KMT2E: variants seen among roughly 807,000 people sequenced by gnomAD.
The protein encoded by KMT2E is lysine methyltransferase 2E (inactive).
Under a neutral mutation model 184.6 loss-of-function variants are expected in KMT2E, and 30 were observed. The ratio of observed to expected loss-of-function variants is 0.16; its 90% CI spans 0.12 to 0.22. KMT2E has a LOEUF of 0.22. Ranked by LOEUF, KMT2E falls within the 10% of genes least tolerant of loss-of-function variation. The probability of loss-of-function intolerance (pLI) is 1.00; values close to 1 mark genes in which losing one functional copy is unlikely to be tolerated. For synonymous variants in KMT2E, 815 were observed against 776.5 expected, an observed-to-expected ratio of 1.05 and a Z score of -0.82; for missense variants, 2,023 against 2,237.4, an observed-to-expected ratio of 0.90 and a Z score of 1.93.
chr7:105,056,777 A>G lies in KMT2E; in HGVS notation c.72-5387A>G, dbSNP rs573586772. Among the ~76,000 whole-genome samples, 10 of 152,348 alleles carry G rather than the reference A, an allele frequency of 6.6e-5. No homozygotes were observed. The East Asian group carries it at 1.7e-3, about 26-fold the overall frequency. On this transcript the variant is annotated intron_variant, in intron 3 of 26. Transcript: ENST00000311117. ...TCTGAACAAGTAAGTAGTGTAATGT[A>G]TCTGTGTAAGGCATTATAGTTGAGA...
chr7:105,046,555 A>T (rs1384578531), intron 3 of KMT2E, among the ~76,000 whole-genome samples: 5 of 152,248 alleles, frequency 3.3e-5, no homozygotes, highest in Non-Finnish European at 5.9e-5. Context: ...TGATTTACTT[A>T]GAATAAATGT....
At chr7:105,078,505 TTTTG>T (rs781174899) in intron 11 of KMT2E, among the ~76,000 whole-genome samples, 39 of 152,096 alleles carry the variant, frequency 2.6e-4, no homozygotes, top group Middle Eastern at 3.4e-3. Flanking sequence ...AAATGTTGAC[TTTTG>T]TTTGTTTGTT....
Position 105,110,537 on chromosome 7 carries a change from A to G in KMT2E, c.3905A>G (p.His1302Arg). ...CATGTTCAGTCTTCACCTTCATCTC[A>G]TTCAAATCACATACCCCAGTTGCAA... ...PSHVQSSPSS[H>R]SNHIPQLQAK... Residue 1302 changes from histidine to arginine, a missense_variant, in exon 25 of 27, where the codon CAT (histidine) becomes CGT (arginine). This residue lies in a region of KMT2E where 1,108 missense variants were observed against 1,050.9 expected (regional missense o/e 1.05). Coordinates refer to ENST00000311117, the MANE Select transcript of KMT2E (RefSeq NM_182931.3). 1 of 1,614,064 alleles carries G rather than the reference A, an allele frequency of 6.2e-7. No homozygotes were observed. Among genetic ancestry groups the G allele is most frequent in the Non-Finnish European group, 8.5e-7 (1 of 1,179,976 alleles).
chr7:105,054,514 A>ATCTATCTGTCTG (rs1199471277), intron 3 of KMT2E, among the ~76,000 whole-genome samples: 1 of 137,460 alleles, frequency 7.3e-6, no homozygotes, highest in African/African-American at 2.6e-5. Context: ...CTATCTATCT[A>ATCTATCTGTCTG]TCTGTCTGTC....
chr7:105,076,308 A>G (rs971024080), intron 9 of KMT2E, among the ~76,000 whole-genome samples: 10 of 152,172 alleles, frequency 6.6e-5, no homozygotes, highest in Non-Finnish European at 1.5e-4. Flanking sequence ...GCAATTTCTA[A>G]TTTTATAATT....
intron 3 of KMT2E, among the ~76,000 whole-genome samples, chr7:105,051,216 G>A (rs982687923): frequency 4.7e-5 from 6 of 126,376 alleles, no homozygotes; most frequent in African/African-American, 9.1e-5. Flanking sequence ...ATGGAGTTTC[G>A]CTCTTGTTGC....
intron 1 of KMT2E, among the ~76,000 whole-genome samples, chr7:105,032,073 C>CAAAAAAAAAAAAAAAAAAAA (rs869308527): frequency 1.3e-5 from 1 of 77,278 alleles, no homozygotes; most frequent in African/African-American, 5.0e-5. Flanking sequence ...ACTCTTATCA[C>CAAAAAAAAAAAAAAAAAAAA]AAAAAAAAAA....
chr7:105,020,469 C>T (rs1794904529), intron 1 of KMT2E, among the ~76,000 whole-genome samples: 1 of 151,736 alleles, frequency 6.6e-6, no homozygotes, highest in Admixed American at 6.6e-5. Flanking sequence ...CCTGTAATCC[C>T]AGCTACTTGG....
intron 2 of KMT2E, among the ~76,000 whole-genome samples, chr7:105,038,924 G>C (rs948689584): frequency 6.6e-6 from 1 of 152,044 alleles, no homozygotes; most frequent in African/African-American, 2.4e-5. Context: ...ACTGAGATCT[G>C]CTTTTCCTGT....
chr7:105,059,826 CAT>C (rs1340214636), intron 3 of KMT2E, among the ~76,000 whole-genome samples: 4 of 152,006 alleles, frequency 2.6e-5, no homozygotes, highest in Admixed American at 6.5e-5. Flanking sequence ...TGGGTGGAGA[CAT>C]AGTCTTACAT....
intron 1 of KMT2E, among the ~76,000 whole-genome samples, chr7:105,015,015 A>G (rs929250618): frequency 4.6e-5 from 7 of 152,146 alleles, no homozygotes; most frequent in Admixed American, 1.3e-4. Flanking sequence ...TAATGTGCAC[A>G]TGAATACGAA....
intron 22 of KMT2E, among the ~76,000 whole-genome samples, chr7:105,108,157 A>G (rs1291235888): frequency 6.6e-6 from 1 of 152,174 alleles, no homozygotes; most frequent in African/African-American, 2.4e-5. Flanking sequence ...ATGGTTTCAG[A>G]AAAATCTCAA....
intron 3 of KMT2E, among the ~76,000 whole-genome samples, chr7:105,049,094 T>G (rs1201225699): frequency 2.6e-5 from 4 of 151,950 alleles, no homozygotes; most frequent in Admixed American, 6.6e-5. Flanking sequence ...GGGAAGAATA[T>G]TAAGAAGAGA....
At chr7:105,079,511 CTTTTTTTTTTTTTTTT>C (rs66734303) in intron 12 of KMT2E, among the ~76,000 whole-genome samples, 4 of 62,330 alleles carry the variant, frequency 6.4e-5, no homozygotes, top group South Asian at 1.2e-3. Context: ...ATTGGACTTC[CTTTTTTTTTTTTTTTT>C]TTTTTTTTTT....
At chr7:105,089,207 G>T (rs1214860927) in intron 13 of KMT2E, 11 of 397,418 alleles carry the variant, frequency 2.8e-5, no homozygotes, top group South Asian at 3.5e-5. Flanking sequence ...AACTTTTTTT[G>T]TTTTTTTTCT....
chr7:105,023,402 C>CAAAAGAAAAA (rs1795034143), intron 1 of KMT2E, among the ~76,000 whole-genome samples: 1 of 55,936 alleles, frequency 1.8e-5, no homozygotes, highest in Non-Finnish European at 3.4e-5. Context: ...GACTCTGTCT[C>CAAAAGAAAAA]AAAAAAAAAA....
intron 1 of KMT2E, among the ~76,000 whole-genome samples, chr7:105,016,350 C>T (rs921923745): frequency 6.6e-6 from 1 of 152,116 alleles, no homozygotes; most frequent in African/African-American, 2.4e-5. Context: ...CTTTAACAAT[C>T]GTCTTACAGC....
chr7:105,060,385 G>T (rs114718463), intron 3 of KMT2E, among the ~76,000 whole-genome samples: 9 of 151,888 alleles, frequency 5.9e-5, no homozygotes, highest in African/African-American at 1.9e-4. Flanking sequence ...CCGTCTACAC[G>T]TGTACCATTT....
chr7:105,062,208 A>T lies in KMT2E; in HGVS notation c.116A>T (p.Asn39Ile). 2 of 1,613,692 alleles carry T rather than the reference A, an allele frequency of 1.2e-6. No homozygotes were observed. The highest frequency in any genetic ancestry group is 2.2e-5 in the East Asian group (1 of 44,830). ...AGCCCTGTGGTAGTTGAGAAATCCA[A>T]CAGTTATCCCCACCAGTTATATACC... ...EASPVVVEKS[N>I]SYPHQLYTSS... is the part of the protein sequence containing the mutation. The change falls in exon 4 of 27, where the codon AAC becomes ATC. Residue 39 changes from asparagine (N) to isoleucine (I), a missense_variant. Physicochemically the swap from Asn to Ile is moderately radical, Grantham distance 149 (BLOSUM62 -3). Transcript: ENST00000311117.
Sources: gnomAD v4.1 joint callset for allele counts (sites outside exome capture counted in the v4.1 genomes callset) on GRCh38, gnomAD v4.1.1 for gene constraint, gnomAD v4.1.1 regional missense constraint, MANE v1.5 for transcripts, NCBI Gene and HGNC (gene_info 2026-07-23, HGNC 2026-07-21) for gene names.